The following TTLL5 variants were observed in gnomAD, a reference collection of about 807,000 sequenced individuals.
TTLL5 encodes the protein tubulin polyglutamylase TTLL5.
A neutral mutation model predicts 168.4 loss-of-function variants in TTLL5; 132 were observed. The ratio of observed to expected loss-of-function variants is 0.78; its 90% CI spans 0.68 to 0.91. The LOEUF is 0.91. Ranked by LOEUF, TTLL5 falls within the 40% of genes least tolerant of loss-of-function variation. TTLL5 has a pLI of 0.00. For missense variants in TTLL5, 1,545 were observed against 1,581.5 expected, an observed-to-expected ratio of 0.98 and a Z score of 0.39; for synonymous variants, 546 against 558.6, an observed-to-expected ratio of 0.98 and a Z score of 0.32.
intron 18 of TTLL5, among the ~76,000 whole-genome samples, chr14:75,764,402 G>A (rs1890836459): frequency 6.6e-6 from 1 of 152,180 alleles, no homozygotes; most frequent in Non-Finnish European, 1.5e-5. Context: ...GTCTTTAGCT[G>A]CATATTTTTT....
intron 28 of TTLL5, chr14:75,835,613 C>A (rs1895823592): frequency 1.3e-5 from 2 of 151,964 alleles, no homozygotes; most frequent in South Asian, 4.2e-4. Context: ...GTAGTTAAAC[C>A]CACAGAAGGG....
chr14:75,877,721 C>G (rs975524591), intron 29 of TTLL5, among the ~76,000 whole-genome samples: 1 of 152,204 alleles, frequency 6.6e-6, no homozygotes, highest in African/African-American at 2.4e-5. Context: ...TTAGAGAGAA[C>G]TTCATCTAAT....
chr14:75,856,891 T>A (rs2139915170), intron 28 of TTLL5, among the ~76,000 whole-genome samples: 1 of 152,346 alleles, frequency 6.6e-6, no homozygotes, highest in African/African-American at 2.4e-5. Context: ...TCCCAAGTGC[T>A]GGGATTACAG....
chr14:75,929,851 G>C (rs1168984909), intron 31 of TTLL5, among the ~76,000 whole-genome samples: 1 of 152,132 alleles, frequency 6.6e-6, no homozygotes, highest in Non-Finnish European at 1.5e-5. Context: ...TGAGAAAGGA[G>C]GTTCAAGTCC....
At chr14:75,763,149 C>A (rs1027359585) in intron 18 of TTLL5, among the ~76,000 whole-genome samples, 5 of 152,068 alleles carry the variant, frequency 3.3e-5, no homozygotes, top group African/African-American at 1.2e-4. Context: ...CCAAGTTAGC[C>A]AGACATTATT....
intron 2 of TTLL5, among the ~76,000 whole-genome samples, chr14:75,666,467 G>T (rs1412273335): frequency 6.6e-6 from 1 of 152,228 alleles, no homozygotes; most frequent in Non-Finnish European, 1.5e-5. Flanking sequence ...CGTGATGTAA[G>T]ATTTCTTTGG....
intron 30 of TTLL5, among the ~76,000 whole-genome samples, chr14:75,893,217 A>G (rs573493135): frequency 2.6e-5 from 4 of 152,338 alleles, no homozygotes; most frequent in Admixed American, 6.5e-5. Flanking sequence ...TGGACAAGCA[A>G]CGCTTTTAGA....
intron 18 of TTLL5, among the ~76,000 whole-genome samples, chr14:75,759,298 G>A (rs1244011046): frequency 2.6e-5 from 4 of 152,124 alleles, no homozygotes; most frequent in Non-Finnish European, 5.9e-5. Flanking sequence ...CTTTGTGGTG[G>A]TGGGAAAGTT....
Position 75,693,661 on chromosome 14 carries a change from C to T in TTLL5, c.502+3339C>T, listed in dbSNP as rs150136133. ...ATCTGTTGCCAACTCCAGCCATTCC[C>T]CTCAAGGGGACAGCTTTCTAAGCAG... On this transcript the variant is annotated intron_variant, in intron 6 of 31. Coordinates refer to ENST00000298832, the MANE Select transcript of TTLL5 (RefSeq NM_015072.5). Among the ~76,000 whole-genome samples, 21 of 152,296 alleles carry T rather than the reference C, an allele frequency of 1.4e-4. No homozygotes were observed. The East Asian group carries it at 3.3e-3, about 24-fold the overall frequency.
chr14:75,779,896 A>AT (rs1052967208), intron 24 of TTLL5, among the ~76,000 whole-genome samples, 194 bp downstream of exon 24: 4 of 151,964 alleles, frequency 2.6e-5, no homozygotes, highest in East Asian at 3.9e-4. Flanking sequence ...GCATGGTCTG[A>AT]TTTTTTTTCA....
chr14:75,922,204 C>G (rs1376687106), intron 31 of TTLL5, among the ~76,000 whole-genome samples: 2 of 151,902 alleles, frequency 1.3e-5, no homozygotes, highest in African/African-American at 4.8e-5. Flanking sequence ...TCCTCTTTTC[C>G]TAATTGAATA....
chr14:75,816,971 CTTATTTT>C (rs1894450437), intron 27 of TTLL5, among the ~76,000 whole-genome samples: 2 of 101,534 alleles, frequency 2.0e-5, no homozygotes, highest in Admixed American at 1.2e-4. Flanking sequence ...TCTTCCCTGT[CTTATTTT>C]TTTTTTTTTT....
intron 31 of TTLL5, among the ~76,000 whole-genome samples, chr14:75,923,960 A>G (rs972260951): frequency 6.6e-6 from 1 of 151,732 alleles, no homozygotes; most frequent in Non-Finnish European, 1.5e-5. Flanking sequence ...CCATTATGTA[A>G]TGGCCTTCTT....
chr14:75,700,543 G>A (rs1886194528), intron 7 of TTLL5, among the ~76,000 whole-genome samples: 1 of 152,144 alleles, frequency 6.6e-6, no homozygotes, highest in Non-Finnish European at 1.5e-5. Flanking sequence ...CATGCAGACA[G>A]CTTACCCCAT....
chr14:75,785,697 T>G (rs1052501222), intron 26 of TTLL5, among the ~76,000 whole-genome samples: 7 of 152,236 alleles, frequency 4.6e-5, no homozygotes, highest in Admixed American at 6.5e-5. Context: ...AAGTTTATTT[T>G]TAAGGCCTCA....
At chr14:75,773,944 A>AGG in intron 21 of TTLL5, among the ~76,000 whole-genome samples, 1 of 42,664 alleles carries the variant, frequency 2.3e-5, no homozygotes, top group Admixed American at 3.1e-4. Flanking sequence ...AGAGAGAGAG[A>AGG]GAGAGAGAGA....
At chr14:75,727,656 A>T (rs1010735617) in intron 12 of TTLL5, among the ~76,000 whole-genome samples, 5 of 152,206 alleles carry the variant, frequency 3.3e-5, no homozygotes, top group African/African-American at 1.2e-4. Context: ...TAAAAGGGTG[A>T]ATTTATTGTA....
chr14:75,772,314 TAAACTC>T (rs1277218182), intron 21 of TTLL5, among the ~76,000 whole-genome samples: 1 of 152,208 alleles, frequency 6.6e-6, no homozygotes, highest in East Asian at 1.9e-4. Flanking sequence ...AACCAGAACT[TAAACTC>T]AGATGTACTT....
chr14:75,945,195 A>C (rs2034730873), intron 31 of TTLL5, among the ~76,000 whole-genome samples: 2 of 148,196 alleles, frequency 1.3e-5, no homozygotes, highest in African/African-American at 4.9e-5. Flanking sequence ...GCTTTTATAG[A>C]TATATAATAT....
Sources: allele counts gnomAD v4.1 joint callset (sites outside exome capture counted in the v4.1 genomes callset), GRCh38; gene constraint gnomAD v4.1.1; transcripts MANE v1.5; gene names NCBI Gene and HGNC (gene_info 2026-07-23, HGNC 2026-07-21).